The following TMED5 variants were observed in gnomAD, a reference collection of about 807,000 sequenced individuals.
The protein encoded by TMED5 is transmembrane p24 trafficking protein 5, also known as transmembrane emp24 domain-containing protein 5.
TMED5 carries 27 observed loss-of-function variants against 23.0 expected under a neutral mutation model. The ratio of observed to expected loss-of-function variants is 1.17; its 90% CI spans 0.86 to 1.62. The LOEUF is 1.62. Among genes scored for constraint, TMED5 ranks in the 40% most tolerant of loss-of-function variants. The pLI is 0.00. For missense variants in TMED5, 248 were observed against 273.7 expected, an observed-to-expected ratio of 0.91 and a Z score of 0.66; for synonymous variants, 97 against 100.8, an observed-to-expected ratio of 0.96 and a Z score of 0.23.
At chr1:93,167,688 A>G (rs1471695055) in intron 1 of TMED5, among the ~76,000 whole-genome samples, 3 of 152,182 alleles carry the variant, frequency 2.0e-5, no homozygotes, top group Admixed American at 6.5e-5. Flanking sequence ...TATAAGATAT[A>G]TCATTTGCAA....
At position 93,153,004 on chromosome 1, in the gene TMED5, C is replaced by CT. The variant is rs1647931860; in HGVS notation, c.*1665dup. ...AGGGGCCTAAGAGGGAAATGTATCT[C>CT]TTTTTATACTACTATGAGTGTAAAT... is the stretch of plus-strand genomic sequence containing the variant. On this transcript the variant is annotated 3_prime_UTR_variant, in exon 4 of 4. Transcript: ENST00000370282. 6.6e-6 allele frequency: 1 copy of CT among 152,496 alleles called. No homozygotes were observed. Among genetic ancestry groups the CT allele is most frequent in the Admixed American group, 6.6e-5 (1 of 15,258 alleles). 9.4% of individuals were successfully genotyped at this position (152,496 alleles called of 1,614,324 possible).
chr1:93,169,728 C>A (rs1304477759), intron 1 of TMED5, among the ~76,000 whole-genome samples: 1 of 152,028 alleles, frequency 6.6e-6, no homozygotes, highest in Non-Finnish European at 1.5e-5. Flanking sequence ...AAAGCTGGGT[C>A]ATCATTAATT....
Position 93,180,168 on chromosome 1 carries a change from C to G in TMED5, c.75G>C (p.Ala25=). 3 of 1,613,202 alleles carry G rather than the reference C, an allele frequency of 1.9e-6. No homozygotes were observed. The highest frequency in any genetic ancestry group is 2.2e-5 in the East Asian group (1 of 44,762). The part of the protein sequence containing the change: ...AALPPVLLPG[A]AGFTPSLDSD... ...TATCGAGGGAAGGTGTGAAGCCGGC[C>G]GCCCCAGGCAGCAGCACCGGAGGCA... Residue 25 remains alanine, a synonymous_variant, in exon 1 of 4, where the codon GCG becomes GCC. Transcript: ENST00000370282.
At chr1:93,166,966 CA>C (rs1171730537) in intron 1 of TMED5, among the ~76,000 whole-genome samples, 2 of 152,132 alleles carry the variant, frequency 1.3e-5, no homozygotes, top group African/African-American at 4.8e-5. Flanking sequence ...GATCTAGTTT[CA>C]TTCTCCTGCA....
At chr1:93,156,246 T>G in intron 3 of TMED5, 54 bp downstream of exon 3, 2 of 1,474,904 alleles carry the variant, frequency 1.4e-6, no homozygotes, top group Non-Finnish European at 1.9e-6. Flanking sequence ...CTTATTACCA[T>G]AGTAAGGCCT....
At chr1:93,179,366 T>TAAA (rs1649144356) in intron 1 of TMED5, among the ~76,000 whole-genome samples, 1 of 43,508 alleles carries the variant, frequency 2.3e-5, no homozygotes, top group African/African-American at 6.7e-5. Flanking sequence ...AGACTCCGTC[T>TAAA]CAAAAAAAAA....
At position 93,180,366 on chromosome 1, in the gene TMED5, G is replaced by A. The variant is rs964700201; in HGVS notation, c.-124C>T. 42 of 1,317,114 alleles carry A rather than the reference G, an allele frequency of 3.2e-5. No individual in the cohort carries two copies. Among genetic ancestry groups the A allele is most frequent in the Non-Finnish European group, 3.9e-5 (38 of 971,166 alleles). The allele number at this position is 1,317,114 out of a possible 1,614,324, so 81.6% of individuals were successfully genotyped here. A position where few individuals can be genotyped will look rare whatever the true frequency, so the allele number is the denominator to read the frequency against. ...GAGTCTGAAGAAACTCCAGGTGGCG[G>A]CCGCGGCGGCGGCGAACACTCCCTC... On this transcript the variant is annotated 5_prime_UTR_variant, in exon 1 of 4. Transcript: ENST00000370282.
rs1266093458 is a variant in TMED5 at position 93,150,946 on chromosome 1, A to G, written c.*3724T>C. 1 of 152,240 alleles carries G rather than the reference A, an allele frequency of 6.6e-6. No homozygotes were observed. Among genetic ancestry groups the G allele is most frequent in the African/African-American group, 2.4e-5 (1 of 41,474 alleles). The allele number at this position is 152,240 out of a possible 1,614,324, so 9.4% of individuals were successfully genotyped here. On this transcript the variant is annotated 3_prime_UTR_variant, in exon 4 of 4. Transcript: ENST00000370282. ...AGCTTGTTAAAACAGAAACAAAAACAACACAAGTACTAAAACGAGGGTTTT... is the reference window on the plus strand; with the variant it reads ...AGCTTGTTAAAACAGAAACAAAAACGACACAAGTACTAAAACGAGGGTTTT...
intron 1 of TMED5, chr1:93,162,492 G>C (rs1328771883): frequency 6.6e-6 from 1 of 152,446 alleles, no homozygotes; most frequent in Non-Finnish European, 1.5e-5. Flanking sequence ...AGCTACTTGG[G>C]AAGCCGAGGC....
At chr1:93,160,421 C>A (rs938481906) in intron 1 of TMED5, 195 bp from the exon 2 acceptor site, 1 of 434,718 alleles carries the variant, frequency 2.3e-6, no homozygotes, top group African/African-American at 1.9e-5. Flanking sequence ...CCCTTCCTTA[C>A]CCATTTCTCT....
intron 1 of TMED5, among the ~76,000 whole-genome samples, chr1:93,172,736 A>G (rs896889608): frequency 5.9e-5 from 9 of 152,336 alleles, no homozygotes; most frequent in African/African-American, 1.7e-4. Context: ...CATATCATCT[A>G]GTAATCTCAC....
chr1:93,168,119 A>G lies in TMED5; in HGVS notation c.190-7893T>C, dbSNP rs574130650. Among the ~76,000 whole-genome samples, 6 of 152,326 alleles carry G rather than the reference A, an allele frequency of 3.9e-5. No individual in the cohort carries two copies. The South Asian group carries it at 1.0e-3, about 26-fold the overall frequency. ...CATCCCAGGGACAAATTCCATTTCA[A>G]CCACAAAACTTTTAAAAAATAAGTA... On this transcript the variant is annotated intron_variant, in intron 1 of 3. Transcript: ENST00000370282.
intron 3 of TMED5, 122 bp downstream of exon 3, chr1:93,156,178 A>G (rs1648068363): frequency 1.3e-5 from 15 of 1,173,474 alleles, no homozygotes; most frequent in South Asian, 7.7e-5. Context: ...TATGGCAAAA[A>G]TAAAATATTA....
At position 93,154,812 on chromosome 1, in the gene TMED5, C is replaced by T; in HGVS notation, c.548G>A (p.Arg183His). ...IQTLLRAFEARDRNIQESNFD... is the reference protein window; with the variant it reads ...IQTLLRAFEAHDRNIQESNFD... ...GTTGCTTTCTTGTATGTTTCGATCA[C>T]GAGCTTCAAATGCTCTAAGCAGAGT... The change falls in exon 4 of 4, where the codon CGT becomes CAT. Residue 183 changes from arginine (R) to histidine (H), a missense_variant. Physicochemically the swap from Arg to His is conservative, Grantham distance 29. Coordinates refer to ENST00000370282, the MANE Select transcript of TMED5 (RefSeq NM_016040.5). 1.2e-6 allele frequency: 2 copies of T among 1,614,042 alleles called. No individual in the cohort carries two copies. The highest frequency in any genetic ancestry group is 1.7e-6 in the Non-Finnish European group (2 of 1,179,954).
rs778417471 is a variant in TMED5 at position 93,160,129 on chromosome 1, G to C, written c.287C>G (p.Thr96Ser). Residue 96 changes from threonine to serine, a missense_variant and splice_region_variant, in exon 2 of 4, where the codon ACT becomes AGT. By Grantham distance (58) the Thr-to-Ser change is moderately conservative (BLOSUM62 1). Coordinates refer to ENST00000370282, the MANE Select transcript of TMED5 (RefSeq NM_016040.5). ...FEQRKSDGVH[T>S]VETEVGDYMF... ...AACTCAACTAAAAGAGATTACTTAC[G>C]TGTGAACTCCATCTGATTTTCTTTG... 58 of 1,599,792 alleles carry C rather than the reference G, an allele frequency of 3.6e-5. No homozygotes were observed. In the South Asian group the frequency reaches 6.2e-4, roughly 17 times the overall value.
At chr1:93,173,571 G>A (rs189182044) in intron 1 of TMED5, among the ~76,000 whole-genome samples, 15 of 152,264 alleles carry the variant, frequency 9.9e-5, no homozygotes, top group East Asian at 5.8e-4. Context: ...AGCTATAATC[G>A]AAGTCAGAAG....
Position 93,152,363 on chromosome 1 carries a change from G to A in TMED5, c.*2307C>T, listed in dbSNP as rs570456113. 6.6e-6 allele frequency: 1 copy of A among 152,282 alleles called. No individual in the cohort carries two copies. Among genetic ancestry groups the A allele is most frequent in the Non-Finnish European group, 1.5e-5 (1 of 67,964 alleles). The allele number at this position is 152,282 out of a possible 1,614,324, so 9.4% of individuals were successfully genotyped here. On this transcript the variant is annotated 3_prime_UTR_variant, in exon 4 of 4. Coordinates refer to ENST00000370282, the MANE Select transcript of TMED5 (RefSeq NM_016040.5). ...TTTAGCATAACTTTAATTTAGAAAT[G>A]GAATAGTGAAATTAAAAAAAGCATA...
intron 3 of TMED5, among the ~76,000 whole-genome samples, 166 bp from the exon 4 acceptor site, chr1:93,155,054 CACAG>C (rs1360242803): frequency 1.3e-5 from 2 of 152,054 alleles, no homozygotes; most frequent in Non-Finnish European, 2.9e-5. Context: ...GGCTGGACAA[CACAG>C]ACAGACTCTG....
intron 1 of TMED5, among the ~76,000 whole-genome samples, chr1:93,173,467 T>G (rs1253193972): frequency 6.6e-6 from 1 of 152,152 alleles, no homozygotes; most frequent in East Asian, 1.9e-4. Flanking sequence ...CCACTTAAAC[T>G]GCAGTGAAAA....
Sources: allele counts gnomAD v4.1 joint callset (sites outside exome capture counted in the v4.1 genomes callset), GRCh38; gene constraint gnomAD v4.1.1; transcripts MANE v1.5; gene names NCBI Gene and HGNC (gene_info 2026-07-23, HGNC 2026-07-21).